PLA2G5: variants seen among roughly 807,000 people sequenced by gnomAD.
PLA2G5 encodes Ca2+-dependent phospholipase A2.
PLA2G5 carries 12 observed loss-of-function variants against 15.9 expected under a neutral mutation model. That is an observed-to-expected ratio of 0.76 (90% CI 0.48 to 1.23). The LOEUF (loss-of-function observed/expected upper bound fraction) is 1.23. Among genes scored for constraint, PLA2G5 ranks in the 50% most tolerant of loss-of-function variants. The probability of loss-of-function intolerance (pLI) is 0.00; values close to 1 mark genes in which losing one functional copy is unlikely to be tolerated. For synonymous variants in PLA2G5, 71 were observed against 71.4 expected, an observed-to-expected ratio of 0.99 and a Z score of 0.03; for missense variants, 169 against 177.1, an observed-to-expected ratio of 0.95 and a Z score of 0.26.
At position 20,091,659 on chromosome 1, in the gene PLA2G5, A is replaced by AT. The variant is rs1450357655; in HGVS notation, c.*973dup. 1.3e-5 allele frequency among the ~76,000 whole-genome samples: 2 copies of AT among 152,004 alleles called. No homozygotes were observed. Among genetic ancestry groups the AT allele is most frequent in the Non-Finnish European group, 2.9e-5 (2 of 68,004 alleles). ...TTAATAGGTGTCAGCTGTGGGGTTT[A>AT]TTTTTTACAAAGTAAGGACATTAAA... On this transcript the variant is annotated 3_prime_UTR_variant, in exon 5 of 5. Transcript: ENST00000375108.
At chr1:20,049,662 A>T (rs866770632) in intron 1 of PLA2G5, among the ~76,000 whole-genome samples, 2 of 152,156 alleles carry the variant, frequency 1.3e-5, no homozygotes, top group Non-Finnish European at 2.9e-5. Context: ...GCCTGCTGCC[A>T]TGTCCCTTTG....
intron 1 of PLA2G5, among the ~76,000 whole-genome samples, chr1:20,075,389 C>A (rs148371490): frequency 1.3e-5 from 2 of 152,272 alleles, no homozygotes; most frequent in East Asian, 3.9e-4. Context: ...GGGGCATGTC[C>A]CACCATCCTG....
At chr1:20,058,128 T>C (rs2014529262) in intron 1 of PLA2G5, among the ~76,000 whole-genome samples, 1 of 152,252 alleles carries the variant, frequency 6.6e-6, no homozygotes, top group African/African-American at 2.4e-5. Flanking sequence ...ATTCTATAAA[T>C]GTCATTTAGA....
At chr1:20,058,291 G>C (rs12403822) in intron 1 of PLA2G5, among the ~76,000 whole-genome samples, 1 of 151,896 alleles carries the variant, frequency 6.6e-6, no homozygotes, top group East Asian at 1.9e-4. Context: ...TTTGCCTCAC[G>C]TATTTTGACA....
At chr1:20,069,503 T>C (rs866579506), upstream of PLA2G5, among the ~76,000 whole-genome samples, 7 of 152,028 alleles carry the variant, frequency 4.6e-5, no homozygotes, top group Non-Finnish European at 5.9e-5. Context: ...TGAAACCCCT[T>C]TCCACAAAAA....
At chr1:20,054,704 T>C (rs2014349553) in intron 1 of PLA2G5, 1 of 152,192 alleles carries the variant, frequency 6.6e-6, no homozygotes, top group South Asian at 2.1e-4. Flanking sequence ...TCTCCCAGGA[T>C]AGACATTTAG....
Position 20,043,239 on chromosome 1 carries a change from C to T in PLA2G5, n.276+14530C>T, listed in dbSNP as rs2013715787. Among the ~76,000 whole-genome samples the T allele has an allele frequency of 1.3e-5, 2 of 152,088 alleles. 1 individual carries two copies. Among genetic ancestry groups the T allele is most frequent in the Non-Finnish European group, 2.9e-5 (2 of 68,024 alleles). On this transcript the variant is annotated intron_variant and non_coding_transcript_variant, in intron 1 of 6. Coordinates refer to the PLA2G5 transcript ENST00000460175. ...AAAAGAGTGTACCGGTTGGGCACCACAGGGTGGATAGGCAAAACAATTTGG... is the reference window on the plus strand; with the variant it reads ...AAAAGAGTGTACCGGTTGGGCACCATAGGGTGGATAGGCAAAACAATTTGG...
At chr1:20,082,387 G>A (rs938063502) in intron 1 of PLA2G5, among the ~76,000 whole-genome samples, 3 of 151,752 alleles carry the variant, frequency 2.0e-5, no homozygotes, top group Non-Finnish European at 4.4e-5. Context: ...CCCTTGAGGC[G>A]TTCTTCCCTT....
intron 1 of PLA2G5, among the ~76,000 whole-genome samples, chr1:20,050,986 T>C (rs955159050): frequency 7.2e-5 from 11 of 152,216 alleles, no homozygotes; most frequent in African/African-American, 2.2e-4. Flanking sequence ...TATGTTTATA[T>C]AAATATGTTA....
chr1:20,032,962 G>A (rs911178719), intron 1 of PLA2G5, among the ~76,000 whole-genome samples: 1 of 152,198 alleles, frequency 6.6e-6, no homozygotes, highest in South Asian at 2.1e-4. Context: ...AGCAGTTTGT[G>A]TATGAGTTTG....
At chr1:20,039,122 C>G (rs141353958) in intron 1 of PLA2G5, among the ~76,000 whole-genome samples, 6 of 152,130 alleles carry the variant, frequency 3.9e-5, no homozygotes, top group South Asian at 4.1e-4. Flanking sequence ...TGTAGGTTGT[C>G]CATCGAGCAA....
chr1:20,077,903 T>C (rs1424765658), intron 1 of PLA2G5, among the ~76,000 whole-genome samples: 2 of 152,220 alleles, frequency 1.3e-5, no homozygotes, highest in African/African-American at 4.8e-5. Context: ...AGGGCCAAAC[T>C]TCTCTGTCCG....
chr1:20,046,723 T>TG (rs752316397), intron 1 of PLA2G5, among the ~76,000 whole-genome samples: 14 of 152,186 alleles, frequency 9.2e-5, no homozygotes, highest in Non-Finnish European at 1.9e-4. Context: ...CTTTGTACTG[T>TG]GAGAGGATTT....
chr1:20,063,439 G>T (rs1167164118), intron 2 of PLA2G5: 1 of 152,216 alleles, frequency 6.6e-6, no homozygotes, highest in African/African-American at 2.4e-5. Context: ...GGAAGAGCAG[G>T]TTCTATCTTT....
At chr1:20,062,022 T>C (rs2014760942) in intron 2 of PLA2G5, among the ~76,000 whole-genome samples, 1 of 152,246 alleles carries the variant, frequency 6.6e-6, no homozygotes, top group African/African-American at 2.4e-5. Flanking sequence ...GACCTCTCAC[T>C]CTGAGATCTC....
intron 1 of PLA2G5, among the ~76,000 whole-genome samples, chr1:20,077,331 T>G (rs1045880771): frequency 6.6e-6 from 1 of 152,202 alleles, no homozygotes; most frequent in African/African-American, 2.4e-5. Flanking sequence ...CAAGGGTTAT[T>G]GGGATAGAAT....
At chr1:20,067,796 G>A (rs1042544018), upstream of PLA2G5, among the ~76,000 whole-genome samples, 1 of 151,910 alleles carries the variant, frequency 6.6e-6, no homozygotes, top group Non-Finnish European at 1.5e-5. Context: ...AAGCATAGGT[G>A]GAAACTTACG....
rs765129392 is a variant in PLA2G5 at position 20,084,885 on chromosome 1, C to T, written c.40+15C>T. 3.8e-6 allele frequency: 6 copies of T among 1,584,946 alleles called. No individual in the cohort carries two copies. Among genetic ancestry groups the T allele is most frequent in the East Asian group, 4.5e-5 (2 of 44,774 alleles). ...CCTGGCTTGTAGTAAGTGCTGGCCCCGTGACCTTCGAATGAACTTTTACCC... is the reference window on the plus strand; with the variant it reads ...CCTGGCTTGTAGTAAGTGCTGGCCCTGTGACCTTCGAATGAACTTTTACCC... On this transcript the variant is annotated intron_variant, in intron 2 of 4. Coordinates refer to ENST00000375108, the MANE Select transcript of PLA2G5 (RefSeq NM_000929.3).
At chr1:20,045,034 C>G (rs1159322054) in intron 1 of PLA2G5, among the ~76,000 whole-genome samples, 1 of 152,040 alleles carries the variant, frequency 6.6e-6, no homozygotes, top group Non-Finnish European at 1.5e-5. Context: ...CAAGAATTAT[C>G]TAGATCTTGT....
Sources: allele counts gnomAD v4.1 joint callset (sites outside exome capture counted in the v4.1 genomes callset), GRCh38; gene constraint gnomAD v4.1.1; transcripts MANE v1.5; gene names NCBI Gene and HGNC (gene_info 2026-07-23, HGNC 2026-07-21).